Variants in NECTIN3 observed in about 807,000 individuals in gnomAD.
The protein encoded by NECTIN3 is nectin cell adhesion molecule 3.
A neutral mutation model predicts 49.4 loss-of-function variants in NECTIN3; 8 were observed. The ratio of observed to expected loss-of-function variants is 0.16; its 90% CI spans 0.10 to 0.29. The LOEUF (loss-of-function observed/expected upper bound fraction) is 0.29. Among genes scored for constraint, NECTIN3 ranks in the 10% least tolerant of loss-of-function variants. The probability of loss-of-function intolerance (pLI) is 1.00; values close to 1 mark genes in which losing one functional copy is unlikely to be tolerated. For synonymous variants in NECTIN3, 277 were observed against 241.1 expected, an observed-to-expected ratio of 1.15 and a Z score of -1.38; for missense variants, 581 against 654.6, an observed-to-expected ratio of 0.89 and a Z score of 1.23.
chr3:111,176,806 G>C (rs567407625), intron 7 of NECTIN3, among the ~76,000 whole-genome samples: 41 of 152,108 alleles, frequency 2.7e-4, no homozygotes, highest in Non-Finnish European at 5.4e-4. Flanking sequence ...TAAATGGATA[G>C]AGACCCTTTT....
intron 7 of NECTIN3, among the ~76,000 whole-genome samples, chr3:111,164,072 G>A (rs1324860574): frequency 2.0e-5 from 3 of 151,748 alleles, no homozygotes; most frequent in Non-Finnish European, 4.4e-5. Context: ...AATGTGCGAA[G>A]TATTTGTATT....
At chr3:111,160,296 T>C (rs1331819036) in intron 7 of NECTIN3, among the ~76,000 whole-genome samples, 3 of 152,224 alleles carry the variant, frequency 2.0e-5, no homozygotes, top group African/African-American at 7.2e-5. Flanking sequence ...CATACAGATA[T>C]ATTCATTTTG....
In NECTIN3 at chr3:111,135,003, A is replaced by G; in HGVS notation, c.*788A>G. The G allele has an allele frequency of 1.0e-6, 1 of 977,946 alleles. No individual in the cohort carries two copies. The highest frequency in any genetic ancestry group is 1.2e-6 in the Non-Finnish European group (1 of 823,610). 60.6% of individuals were successfully genotyped at this position (977,946 alleles called of 1,614,324 possible). On this transcript the variant is annotated 3_prime_UTR_variant, in exon 6 of 6. Coordinates refer to ENST00000485303, the MANE Select transcript of NECTIN3 (RefSeq NM_015480.3). ...TTTTTTTTTCCTTTCTGGAACATGG[A>G]TTTTGGTACATTAGCAGTAGCCTTA...
intron 7 of NECTIN3, among the ~76,000 whole-genome samples, chr3:111,148,707 T>C (rs551202844): frequency 1.3e-5 from 2 of 152,288 alleles, no homozygotes; most frequent in South Asian, 2.1e-4. Context: ...CTGTAAATTA[T>C]CTTTTTGTAT....
At chr3:111,086,365 A>G (rs2031929402) in intron 1 of NECTIN3, among the ~76,000 whole-genome samples, 1 of 152,092 alleles carries the variant, frequency 6.6e-6, no homozygotes, top group Non-Finnish European at 1.5e-5. Context: ...TTTCTCTAGT[A>G]CACCATCATG....
chr3:111,181,555 G>A (rs1035483531), intron 7 of NECTIN3, among the ~76,000 whole-genome samples: 34 of 151,982 alleles, frequency 2.2e-4, no homozygotes, highest in African/African-American at 8.0e-4. Context: ...TCTTTAAAAT[G>A]TTTGGTAGAA....
rs567978935 is a variant in NECTIN3 at position 111,160,393 on chromosome 3, A to T, written c.1221+12909A>T. On this transcript the variant is annotated intron_variant, in intron 7 of 8. Transcript: ENST00000493615. ...TTGCCAGTTTTTTTTTACAGTCAAG[A>T]TTCATAAATTTTGATGTTTCTAGTG... Among the ~76,000 whole-genome samples the T allele has an allele frequency of 2.0e-5, 3 of 152,102 alleles. No individual in the cohort carries two copies. In the South Asian group the frequency reaches 6.2e-4, roughly 32 times the overall value.
chr3:111,107,263 G>T (rs2107439217), intron 1 of NECTIN3, among the ~76,000 whole-genome samples: 1 of 152,180 alleles, frequency 6.6e-6, no homozygotes, highest in African/African-American at 2.4e-5. Flanking sequence ...ACTATTCAAA[G>T]ACACATGAAG....
intron 7 of NECTIN3, among the ~76,000 whole-genome samples, chr3:111,160,521 A>G (rs1344910634): frequency 6.6e-6 from 1 of 152,252 alleles, no homozygotes; most frequent in Non-Finnish European, 1.5e-5. Context: ...AAAATCAGTT[A>G]TAAGACAGTA....
At chr3:111,193,260 A>G in intron 1 of NECTIN3, 1 of 1,535,852 alleles carries the variant, frequency 6.5e-7, no homozygotes, top group Non-Finnish European at 8.7e-7. Context: ...GGAAGATGGC[A>G]TTCAGCAGAT....
chr3:111,148,515 T>C (rs2034930831), intron 7 of NECTIN3, among the ~76,000 whole-genome samples: 1 of 152,192 alleles, frequency 6.6e-6, no homozygotes, highest in Non-Finnish European at 1.5e-5. Context: ...ACAAGTGGTG[T>C]GAAATGTCAT....
chr3:111,077,634 G>A (rs1253435458), intron 1 of NECTIN3, among the ~76,000 whole-genome samples: 1 of 152,018 alleles, frequency 6.6e-6, no homozygotes, highest in Admixed American at 6.6e-5. Flanking sequence ...TGGAGTCCAA[G>A]GGTTGGGACA....
intron 1 of NECTIN3, among the ~76,000 whole-genome samples, chr3:111,103,468 A>G (rs548152633): frequency 6.7e-6 from 1 of 149,160 alleles, no homozygotes; most frequent in Non-Finnish European, 1.5e-5. Flanking sequence ...TTTTTTTTTT[A>G]AATTAACTTT....
At chr3:111,111,905 G>GCA (rs1576116166) in intron 1 of NECTIN3, 125 bp from the exon 2 acceptor site, 117 of 8,554 alleles carry the variant, frequency 0.014, no homozygotes, top group South Asian at 0.074. Flanking sequence ...GTGCATGTGT[G>GCA]TGTGTGTGTG....
At chr3:111,167,294 C>G (rs937727252) in intron 7 of NECTIN3, among the ~76,000 whole-genome samples, 11 of 152,172 alleles carry the variant, frequency 7.2e-5, no homozygotes, top group African/African-American at 2.7e-4. Context: ...GCATTAGAAT[C>G]AGCATTTTTA....
At chr3:111,164,820 C>T (rs914576243) in intron 7 of NECTIN3, among the ~76,000 whole-genome samples, 3 of 152,158 alleles carry the variant, frequency 2.0e-5, no homozygotes, top group Admixed American at 1.3e-4. Flanking sequence ...CTAAATAAGG[C>T]CACATTCACA....
rs139459319 is a variant in NECTIN3 at position 111,095,975 on chromosome 3, G to A, written c.161-16055G>A. Among the ~76,000 whole-genome samples the A allele has an allele frequency of 2.6e-5, 4 of 152,352 alleles. No homozygotes were observed. The East Asian group carries it at 5.8e-4, about 22-fold the overall frequency. ...CAGTGGAGTGGGGCATTACTGAAAA[G>A]ATGCCTGAACATGTGGAAGTGACTT... On this transcript the variant is annotated intron_variant, in intron 1 of 5. Transcript: ENST00000485303.
chr3:111,096,042 C>A (rs1166776394), intron 1 of NECTIN3, among the ~76,000 whole-genome samples: 2 of 152,172 alleles, frequency 1.3e-5, no homozygotes, highest in African/African-American at 2.4e-5. Context: ...GTTTGGAGGG[C>A]TCAGAAGAAG....
intron 1 of NECTIN3, among the ~76,000 whole-genome samples, chr3:111,090,009 T>C (rs925078478): frequency 4.6e-5 from 7 of 152,196 alleles, no homozygotes; most frequent in African/African-American, 1.4e-4. Flanking sequence ...CCTGTATCTC[T>C]AGCATTACTT....
Sources: allele counts gnomAD v4.1 joint callset (sites outside exome capture counted in the v4.1 genomes callset), GRCh38; gene constraint gnomAD v4.1.1; transcripts MANE v1.5; gene names NCBI Gene and HGNC (gene_info 2026-07-23, HGNC 2026-07-21).